CD36: variants seen among roughly 807,000 people sequenced by gnomAD.
CD36 encodes CD36 molecule (CD36 blood group), also known as platelet glycoprotein 4.
A neutral mutation model predicts 55.2 loss-of-function variants in CD36; 119 were observed. The observed-to-expected ratio is 2.15, with a 90% CI of 1.86 to 2.51. CD36 has a LOEUF of 2.51. Among genes scored for constraint, CD36 ranks in the 30% most tolerant of loss-of-function variants. CD36 has a pLI of 0.00. For synonymous variants in CD36, 186 were observed against 193.6 expected (o/e 0.96, Z 0.33); for missense variants, 819 against 555.5 (o/e 1.47, Z -4.77).
chr7:80,632,691 A>G (rs1415859811), intron 1 of CD36, among the ~76,000 whole-genome samples: 1 of 152,062 alleles, frequency 6.6e-6, no homozygotes, highest in Non-Finnish European at 1.5e-5. Context: ...AAACAAAATA[A>G]GAAAAACCTA....
At chr7:80,664,266 T>G in intron 6 of CD36, 140 bp from the exon 7 acceptor site, 1 of 616,458 alleles carries the variant, frequency 1.6e-6, no homozygotes, top group Non-Finnish European at 3.0e-6. Context: ...TTAAGGCCAA[T>G]AATTTAAAAA....
intron 1 of CD36, among the ~76,000 whole-genome samples, chr7:80,616,311 T>A (rs1793148927): frequency 6.6e-6 from 1 of 152,156 alleles, no homozygotes. Flanking sequence ...CTATGTCATG[T>A]AATTAATCAA....
intron 3 of CD36, among the ~76,000 whole-genome samples, chr7:80,653,361 T>G (rs1795772658): frequency 6.6e-6 from 1 of 152,240 alleles, no homozygotes; most frequent in African/African-American, 2.4e-5. Context: ...AGATGATTAT[T>G]GCTGTTGCAT....
chr7:80,637,565 TG>T (rs1367889066), upstream of CD36, among the ~76,000 whole-genome samples: 1 of 150,862 alleles, frequency 6.6e-6, no homozygotes, highest in African/African-American at 2.4e-5. Context: ...AAAGAGTGTT[TG>T]GGGTTTTTTT....
intron 1 of CD36, among the ~76,000 whole-genome samples, chr7:80,617,915 G>C (rs1036466320): frequency 6.6e-6 from 1 of 152,082 alleles, no homozygotes; most frequent in Non-Finnish European, 1.5e-5. Context: ...AGTTGGTCAT[G>C]CCTAAATTCA....
At chr7:80,657,211 C>G (rs1315369857) in intron 4 of CD36, among the ~76,000 whole-genome samples, 2 of 152,140 alleles carry the variant, frequency 1.3e-5, no homozygotes, top group African/African-American at 4.8e-5. Flanking sequence ...CCACCCCATC[C>G]CAGACCAAAT....
intron 5 of CD36, among the ~76,000 whole-genome samples, 191 bp downstream of exon 5, chr7:80,661,401 G>T (rs1419593101): frequency 6.6e-6 from 1 of 152,078 alleles, no homozygotes; most frequent in East Asian, 1.9e-4. Context: ...TGCATTAGAA[G>T]ACCACTTTAT....
chr7:80,647,013 T>G, intron 3 of CD36, 153 bp downstream of exon 3: 1 of 753,552 alleles, frequency 1.3e-6, no homozygotes, highest in Non-Finnish European at 2.2e-6. Flanking sequence ...CTCTATATGA[T>G]GCGACTTTAT....
intron 1 of CD36, chr7:80,625,079 A>G (rs1220287221): frequency 6.6e-6 from 1 of 152,136 alleles, no homozygotes; most frequent in African/African-American, 2.4e-5. Context: ...TGGGCTAGTG[A>G]ATCTTTGTTA....
rs1798246379 is a variant in CD36, at chr7:80,678,891, T to C, written c.*2508T>C. ...TACAAATTTCTTAACCTGTTATCAA[T>C]GTCTGAGCTACATAATTATCTTTCT... On this transcript the variant is annotated 3_prime_UTR_variant, in exon 15 of 15. Transcript: ENST00000447544. 1 of 151,980 alleles carries C rather than the reference T, an allele frequency of 6.6e-6. No individual in the cohort carries two copies. Among genetic ancestry groups the C allele is most frequent in the Non-Finnish European group, 1.5e-5 (1 of 68,004 alleles). The allele number at this position is 151,980 out of a possible 1,614,324, so 9.4% of individuals were successfully genotyped here.
intron 8 of CD36, 105 bp from the exon 9 acceptor site, chr7:80,669,848 G>A: frequency 1.2e-6 from 1 of 806,288 alleles, no homozygotes; most frequent in Non-Finnish European, 2.2e-6. Flanking sequence ...AATTACTTAG[G>A]CAGTTTGCAT....
In CD36 at chr7:80,673,968, T is replaced by TTAAC. The variant is rs1460013732; in HGVS notation, c.1255-13_1255-10dup. The TTAAC allele has an allele frequency of 6.2e-6, 10 of 1,605,528 alleles. No individual in the cohort carries two copies. In the African/African-American group the frequency reaches 1.3e-4, roughly 22 times the overall value. On this transcript the variant is annotated splice_polypyrimidine_tract_variant and intron_variant, in intron 13 of 14. Coordinates refer to ENST00000447544, the MANE Select transcript of CD36 (RefSeq NM_001001548.3). ...TAACGTACCCAAATAATGTTGATTATTAACTTGATTACAGACTGGGACCAT... is the reference window on the plus strand; with the variant it reads ...TAACGTACCCAAATAATGTTGATTATTAACTAACTTGATTACAGACTGGGACCAT...
chr7:80,627,705 T>C (rs2116021256), intron 1 of CD36, among the ~76,000 whole-genome samples: 1 of 152,160 alleles, frequency 6.6e-6, no homozygotes, highest in African/African-American at 2.4e-5. Context: ...ATGATACACA[T>C]TTAGTGTTTA....
intron 8 of CD36, among the ~76,000 whole-genome samples, chr7:80,667,050 A>C (rs189353208): frequency 6.6e-6 from 1 of 152,300 alleles, no homozygotes; most frequent in East Asian, 1.9e-4. Context: ...ACTTAGATTT[A>C]AGGTATGGTT....
chr7:80,669,339 A>G (rs1797420016), intron 8 of CD36, among the ~76,000 whole-genome samples: 1 of 152,212 alleles, frequency 6.6e-6, no homozygotes, highest in African/African-American at 2.4e-5. Flanking sequence ...TGTAAATATA[A>G]AATGCACAGT....
At chr7:80,623,877 A>G (rs1282825721) in intron 1 of CD36, 3 of 152,192 alleles carry the variant, frequency 2.0e-5, no homozygotes, top group African/African-American at 7.2e-5. Flanking sequence ...TCACAGAGTA[A>G]TTGTTTCTTT....
chr7:80,654,714 C>A (rs1795906428), intron 3 of CD36, among the ~76,000 whole-genome samples: 2 of 152,152 alleles, frequency 1.3e-5, no homozygotes, highest in East Asian at 1.9e-4. Context: ...CCAATGTACC[C>A]CGTATAAGTG....
chr7:80,671,864 T>A, intron 10 of CD36, 58 bp from the exon 11 acceptor site: 1 of 1,504,344 alleles, frequency 6.6e-7, no homozygotes, highest in South Asian at 1.1e-5. Context: ...ATTTTTTGAG[T>A]TATATGTGAA....
chr7:80,648,663 T>C (rs1378627933), intron 3 of CD36, among the ~76,000 whole-genome samples: 1 of 152,010 alleles, frequency 6.6e-6, no homozygotes, highest in Non-Finnish European at 1.5e-5. Flanking sequence ...TATATTATAA[T>C]AAAAAATACC....
Sources: allele counts gnomAD v4.1 joint callset (sites outside exome capture counted in the v4.1 genomes callset), GRCh38; gene constraint gnomAD v4.1.1; transcripts MANE v1.5; gene names NCBI Gene and HGNC (gene_info 2026-07-23, HGNC 2026-07-21).